CDC73: variants seen among roughly 807,000 people sequenced by gnomAD.
The protein encoded by CDC73 is parafibromin.
Under a neutral mutation model 83.7 loss-of-function variants are expected in CDC73, and 21 were observed. That is an observed-to-expected ratio of 0.25 (90% CI 0.18 to 0.36). The LOEUF (loss-of-function observed/expected upper bound fraction) is 0.36, where lower values mean the gene tolerates loss of function less well. Ranked by LOEUF, CDC73 falls within the 10% of genes least tolerant of loss-of-function variation. The probability of loss-of-function intolerance (pLI) is 1.00; values close to 1 mark genes in which losing one functional copy is unlikely to be tolerated. For missense variants in CDC73, 342 were observed against 653.3 expected (o/e 0.52, Z 5.19); for synonymous variants, 224 against 212.9 (o/e 1.05, Z -0.45).
rs546906874 is a variant in CDC73 at position 193,228,104 on chromosome 1, A to G, written c.1155-4889A>G. ...CTTTGTTAAGTTTAATTAGCTCTAG[A>G]GTATTATATACTTTACTAATTCCAA... On this transcript the variant is annotated intron_variant, in intron 13 of 16. Coordinates refer to ENST00000367435, the MANE Select transcript of CDC73 (RefSeq NM_024529.5). Among the ~76,000 whole-genome samples, 3 of 152,334 alleles carry G rather than the reference A, an allele frequency of 2.0e-5. No individual in the cohort carries two copies. In the South Asian group the frequency reaches 6.2e-4, roughly 32 times the overall value.
intron 10 of CDC73, among the ~76,000 whole-genome samples, chr1:193,173,165 T>C (rs2103151455): frequency 6.6e-6 from 1 of 152,316 alleles, no homozygotes; most frequent in Non-Finnish European, 1.5e-5. Flanking sequence ...GTGATCTTTT[T>C]CCTTTAGAGA....
intron 12 of CDC73, 126 bp from the exon 13 acceptor site, chr1:193,212,264 C>A: frequency 2.4e-6 from 2 of 848,784 alleles, no homozygotes; most frequent in Non-Finnish European, 1.9e-6. Context: ...TTTTAATATC[C>A]ACTGGCTTAA....
At position 193,122,172 on chromosome 1, in the gene CDC73, C is replaced by T. The variant is rs60004315; in HGVS notation, c.-29C>T. On this transcript the variant is annotated 5_prime_UTR_variant, in exon 1 of 17. Coordinates refer to ENST00000367435, the MANE Select transcript of CDC73 (RefSeq NM_024529.5). ...CAGGCGCGGCGGCAGCGGCGGCGCCCCGAGCCGGCGGAGGCGAGGGGGGGG... is the reference window on the plus strand; with the variant it reads ...CAGGCGCGGCGGCAGCGGCGGCGCCTCGAGCCGGCGGAGGCGAGGGGGGGG... 247 of 1,610,576 alleles carry T rather than the reference C, an allele frequency of 1.5e-4. 1 individual carries two copies. In the South Asian group the frequency reaches 2.6e-3, roughly 17 times the overall value.
At chr1:193,233,208 G>A in intron 14 of CDC73, 54 bp downstream of exon 14, 1 of 1,494,982 alleles carries the variant, frequency 6.7e-7, no homozygotes. Context: ...CCAAGAGAAT[G>A]AATGTTGTTA....
At chr1:193,155,724 C>A (rs1176808468) in intron 10 of CDC73, among the ~76,000 whole-genome samples, 4 of 152,088 alleles carry the variant, frequency 2.6e-5, no homozygotes, top group Admixed American at 1.3e-4. Context: ...CTGCAGTGAG[C>A]CAGGATTATG....
chr1:193,133,756 A>G (rs1330154669), intron 3 of CDC73, among the ~76,000 whole-genome samples: 6 of 152,200 alleles, frequency 3.9e-5, no homozygotes, highest in Non-Finnish European at 8.8e-5. Context: ...TAATCTCACT[A>G]ATATACGAAG....
At chr1:193,136,389 T>C (rs888264621) in intron 5 of CDC73, 4 of 190,090 alleles carry the variant, frequency 2.1e-5, no homozygotes, top group Non-Finnish European at 5.0e-5. Flanking sequence ...TTAAGGATAT[T>C]CTGAGAAATG....
intron 2 of CDC73, among the ~76,000 whole-genome samples, chr1:193,126,107 A>G (rs986170390): frequency 4.5e-4 from 69 of 152,166 alleles, no homozygotes; most frequent in African/African-American, 1.5e-3. Context: ...GAAAAAGAAA[A>G]CCCGAAACGC....
chr1:193,252,002 G>A lies in CDC73; in HGVS notation c.*1290G>A, dbSNP rs1366738173. 2 of 231,176 alleles carry A rather than the reference G, an allele frequency of 8.7e-6. No individual in the cohort carries two copies. The highest frequency in any genetic ancestry group is 2.2e-5 in the African/African-American group (1 of 45,174). 14.3% of individuals were successfully genotyped at this position (231,176 alleles called of 1,614,324 possible). The stretch of plus-strand genomic sequence containing the variant: ...TAACATATTTTTGGTGAACGTTTAG[G>A]CCTTTCATAGGTATTAAGCTGACAT... On this transcript the variant is annotated 3_prime_UTR_variant, in exon 17 of 17. Transcript: ENST00000367435.
chr1:193,133,833 G>A (rs1426075414), intron 3 of CDC73, among the ~76,000 whole-genome samples: 5 of 151,482 alleles, frequency 3.3e-5, no homozygotes, highest in African/African-American at 1.2e-4. Context: ...TCACAGAAAA[G>A]GTGATAAAAT....
chr1:193,224,923 G>A (rs1221506051), intron 13 of CDC73, among the ~76,000 whole-genome samples: 2 of 151,790 alleles, frequency 1.3e-5, no homozygotes, highest in Admixed American at 1.3e-4. Context: ...GGTTTTTGGG[G>A]AACAGGTGGT....
At chr1:193,217,715 G>A (rs1286159670) in intron 13 of CDC73, among the ~76,000 whole-genome samples, 1 of 152,166 alleles carries the variant, frequency 6.6e-6, no homozygotes, top group Non-Finnish European at 1.5e-5. Context: ...GCGAGCTAGG[G>A]TGGTCTTGGA....
intron 10 of CDC73, among the ~76,000 whole-genome samples, chr1:193,172,575 G>C (rs992017936): frequency 6.6e-6 from 1 of 152,072 alleles, no homozygotes; most frequent in Non-Finnish European, 1.5e-5. Context: ...TTCTCTTTCA[G>C]TTCTTGTCAT....
intron 10 of CDC73, among the ~76,000 whole-genome samples, chr1:193,196,203 C>T (rs1233988808): frequency 2.0e-5 from 3 of 152,158 alleles, no homozygotes; most frequent in Non-Finnish European, 2.9e-5. Context: ...CGTCCTTTTG[C>T]GTGTGGCTAT....
intron 13 of CDC73, among the ~76,000 whole-genome samples, chr1:193,221,154 A>G (rs927703378): frequency 6.6e-6 from 1 of 152,204 alleles, no homozygotes; most frequent in Non-Finnish European, 1.5e-5. Context: ...GTAAATAAAG[A>G]AAAAGAAAAG....
chr1:193,138,801 G>A (rs1355400795), intron 6 of CDC73, among the ~76,000 whole-genome samples: 2 of 136,318 alleles, frequency 1.5e-5, no homozygotes, highest in African/African-American at 2.8e-5. Flanking sequence ...TGGAGACGGA[G>A]TTTCACTTTT....
chr1:193,176,483 C>CA (rs753540245), intron 10 of CDC73, among the ~76,000 whole-genome samples: 2 of 152,144 alleles, frequency 1.3e-5, no homozygotes, highest in Non-Finnish European at 2.9e-5. Flanking sequence ...CATTGTCTTA[C>CA]AGAGCATTAA....
In CDC73 at chr1:193,249,864, T is replaced by A. The variant is rs758050507; in HGVS notation, c.1552T>A (p.Leu518Met). Residue 518 changes from leucine to methionine, a missense_variant, in exon 16 of 17, where the codon TTG becomes ATG. This residue lies in a region of CDC73 where 239 missense variants were observed against 420.6 expected (regional missense o/e 0.57). Transcript: ENST00000367435. ...AGTGTTCTTACGGTTTTGGGAAACA[T>A]TGGACAGGTAATTCCGATTCTAAAA... ...RPVFLRFWETLDRYMVKHKSH... is the reference protein window; with the variant it reads ...RPVFLRFWETMDRYMVKHKSH... 1.2e-5 allele frequency: 20 copies of A among 1,612,446 alleles called. No individual in the cohort carries two copies. The South Asian group carries it at 2.2e-4, about 18-fold the overall frequency.
chr1:193,247,382 ATCTCTCTC>A (rs144859660), intron 15 of CDC73, among the ~76,000 whole-genome samples: 1 of 149,394 alleles, frequency 6.7e-6, no homozygotes, highest in Non-Finnish European at 1.5e-5. Flanking sequence ...TTAGTCCCTC[ATCTCTCTC>A]TCTCTCTCTC....
Sources: allele counts gnomAD v4.1 joint callset (sites outside exome capture counted in the v4.1 genomes callset), GRCh38; gene constraint gnomAD v4.1.1; regional missense constraint gnomAD v4.1.1; transcripts MANE v1.5; gene names NCBI Gene and HGNC (gene_info 2026-07-23, HGNC 2026-07-21).